Variants in ANO1 observed in about 807,000 individuals in gnomAD.
ANO1 encodes the protein anoctamin-1.
Under a neutral mutation model 124.0 loss-of-function variants are expected in ANO1, and 59 were observed. The ratio of observed to expected loss-of-function variants is 0.48; its 90% CI spans 0.39 to 0.59. The LOEUF is 0.59. Ranked by LOEUF, ANO1 falls within the 20% of genes least tolerant of loss-of-function variation. The pLI, the probability that ANO1 is intolerant of heterozygous loss-of-function variation, is 0.00. For missense variants in ANO1, 1,059 were observed against 1,328.0 expected (o/e 0.80, Z 3.15); for synonymous variants, 529 against 532.0 (o/e 0.99, Z 0.08).
At chr11:70,174,920 A>AAAAGG (rs1555053277) in intron 22 of ANO1, among the ~76,000 whole-genome samples, 1 of 149,818 alleles carries the variant, frequency 6.7e-6, no homozygotes, top group African/African-American at 2.5e-5. Context: ...AAAGAAAAGA[A>AAAAGG]AAAAGAAAAG....
At chr11:70,038,809 G>T (rs998362732) in intron 1 of ANO1, among the ~76,000 whole-genome samples, 2 of 152,220 alleles carry the variant, frequency 1.3e-5, no homozygotes, top group African/African-American at 2.4e-5. Context: ...GAGCAGTAAA[G>T]TACTTCCTTG....
chr11:70,015,158 C>A (rs1379052306), intron 1 of ANO1: 1 of 152,032 alleles, frequency 6.6e-6, no homozygotes, highest in Admixed American at 6.6e-5. Flanking sequence ...TTTATCGTTC[C>A]ATTCATGGAG....
At chr11:69,966,588 G>T in the ANO1 span, among the ~76,000 whole-genome samples, 22 of 152,182 alleles carry the variant, frequency 1.4e-4, no homozygotes, top group Non-Finnish European at 3.2e-4. Context: ...TGGGATGGAG[G>T]AAAGAGCGAT....
At chr11:70,109,379 C>G (rs1023040681) in intron 6 of ANO1, among the ~76,000 whole-genome samples, 1 of 152,208 alleles carries the variant, frequency 6.6e-6, no homozygotes, top group Admixed American at 6.5e-5. Context: ...CTGGTGGCTG[C>G]TTGGCCCCAG....
At chr11:70,114,026 A>G (rs1017461020) in intron 7 of ANO1, among the ~76,000 whole-genome samples, 1 of 152,212 alleles carries the variant, frequency 6.6e-6, no homozygotes, top group African/African-American at 2.4e-5. Flanking sequence ...TCAACAGTTT[A>G]AATTGACTGG....
At chr11:70,140,107 C>G (rs971155667) in intron 11 of ANO1, among the ~76,000 whole-genome samples, 1 of 152,252 alleles carries the variant, frequency 6.6e-6, no homozygotes, top group East Asian at 1.9e-4. Flanking sequence ...GTTCTTTTCT[C>G]TGTTGAAGAC....
intron 1 of ANO1, chr11:70,072,602 A>G (rs1857900060): frequency 6.6e-6 from 1 of 152,244 alleles, no homozygotes; most frequent in South Asian, 2.1e-4. Flanking sequence ...TTCGCCCCAG[A>G]GTCAGAGGCT....
At chr11:70,001,749 A>G (rs1402061645) in intron 1 of ANO1, among the ~76,000 whole-genome samples, 1 of 151,588 alleles carries the variant, frequency 6.6e-6, no homozygotes, top group Non-Finnish European at 1.5e-5. Flanking sequence ...GCTTTTCTGT[A>G]TATATCTGTG....
chr11:70,078,043 G>A (rs957208407), upstream of ANO1, among the ~76,000 whole-genome samples: 5 of 152,054 alleles, frequency 3.3e-5, no homozygotes, highest in African/African-American at 1.2e-4. Context: ...CCCGGAGGCG[G>A]AGGTGACGCG....
At chr11:69,985,603 A>G (rs1210571295), upstream of ANO1, among the ~76,000 whole-genome samples, 2 of 152,204 alleles carry the variant, frequency 1.3e-5, no homozygotes, top group South Asian at 4.2e-4. Context: ...CCTGTAGTCA[A>G]CACCCCTTCC....
At chr11:70,127,322 C>T (rs2046563111) in intron 10 of ANO1, among the ~76,000 whole-genome samples, 1 of 152,160 alleles carries the variant, frequency 6.6e-6, no homozygotes, top group Admixed American at 6.5e-5. Context: ...TGCCTGCTTC[C>T]CTTATCTGCA....
At position 70,161,338 on chromosome 11, in the gene ANO1, A is replaced by G; in HGVS notation, c.1756A>G (p.Ile586Val). ...IILLDEVYGC[I>V]ARWLTKIEVP... is the part of the protein sequence containing the mutation. ...CCTCCTGGACGAGGTGTATGGCTGC[A>G]TAGCCCGATGGCTCACCAAGATCGG... Residue 586 changes from isoleucine to valine, a missense_variant, in exon 17 of 26, where the codon ATA (isoleucine) becomes GTA (valine). Ile to Val is a conservative substitution (Grantham distance 29). Coordinates refer to ENST00000355303, the MANE Select transcript of ANO1 (RefSeq NM_018043.7). 9.3e-6 allele frequency: 15 copies of G among 1,613,956 alleles called. No homozygotes were observed. The highest frequency in any genetic ancestry group is 1.2e-5 in the Non-Finnish European group (14 of 1,179,892).
intron 21 of ANO1, among the ~76,000 whole-genome samples, chr11:70,167,747 G>A (rs56067021): frequency 0.098 from 14,845 of 152,034 alleles, 812 homozygotes; most frequent in Middle Eastern, 0.2. Context: ...AGCGCAGCCC[G>A]ACACAGCCTG....
chr11:70,057,201 A>T (rs1481194640), intron 1 of ANO1, among the ~76,000 whole-genome samples: 1 of 152,098 alleles, frequency 6.6e-6, no homozygotes, highest in Non-Finnish European at 1.5e-5. Context: ...TGAATCTTGG[A>T]TATCACGTGT....
At chr11:70,016,993 G>A (rs1004385208) in intron 1 of ANO1, among the ~76,000 whole-genome samples, 9 of 152,148 alleles carry the variant, frequency 5.9e-5, no homozygotes, top group Admixed American at 3.3e-4. Flanking sequence ...TTCTTTTCCC[G>A]GTCTTTCTTC....
intron 1 of ANO1, among the ~76,000 whole-genome samples, chr11:70,034,735 A>T (rs914668313): frequency 6.6e-6 from 1 of 152,152 alleles, no homozygotes; most frequent in Non-Finnish European, 1.5e-5. Context: ...CACTCTTCCC[A>T]AACCCCCCAC....
intron 1 of ANO1, among the ~76,000 whole-genome samples, chr11:70,015,373 G>A (rs1555001805): frequency 6.6e-6 from 1 of 152,160 alleles, no homozygotes; most frequent in African/African-American, 2.4e-5. Context: ...GGTGCTCCCT[G>A]CCCTCAGGGG....
chr11:70,175,721 C>A (rs1259060047), intron 22 of ANO1, among the ~76,000 whole-genome samples: 1 of 152,220 alleles, frequency 6.6e-6, no homozygotes, highest in East Asian at 1.9e-4. Flanking sequence ...ATCCAAATAC[C>A]TCCCTGTTCT....
chr11:70,103,939 T>G (rs1365384986), intron 3 of ANO1, 60 bp from the exon 4 acceptor site: 2 of 1,551,984 alleles, frequency 1.3e-6, no homozygotes, highest in East Asian at 2.3e-5. Flanking sequence ...CGAGAACAGA[T>G]TCCACGGATC....
Sources: gnomAD v4.1 joint callset for allele counts (sites outside exome capture counted in the v4.1 genomes callset) on GRCh38, gnomAD v4.1.1 for gene constraint, MANE v1.5 for transcripts, NCBI Gene and HGNC (gene_info 2026-07-23, HGNC 2026-07-21) for gene names.